Variants in RARG observed in about 807,000 individuals in gnomAD.
RARG encodes RAR-gamma.
In RARG, 17 loss-of-function variants were observed where a neutral mutation model predicts 43.7. The ratio of observed to expected loss-of-function variants is 0.39; its 90% CI spans 0.27 to 0.58. RARG has a LOEUF of 0.58. Among genes scored for constraint, RARG ranks in the 20% least tolerant of loss-of-function variants. The probability of loss-of-function intolerance (pLI) is 0.57; values close to 1 mark genes in which losing one functional copy is unlikely to be tolerated. For missense variants in RARG, 346 were observed against 598.7 expected, an observed-to-expected ratio of 0.58 and a Z score of 4.40; for synonymous variants, 238 against 236.4, an observed-to-expected ratio of 1.01 and a Z score of -0.06.
At chr12:53,226,690 C>T (rs1238305749) in intron 3 of RARG, among the ~76,000 whole-genome samples, 1 of 151,580 alleles carries the variant, frequency 6.6e-6, no homozygotes, top group Non-Finnish European at 1.5e-5. Context: ...TGGCTCACTG[C>T]AACCTCTGCT....
At chr12:53,218,659 T>TA in intron 3 of RARG, among the ~76,000 whole-genome samples, 1 of 151,740 alleles carries the variant, frequency 6.6e-6, no homozygotes, top group East Asian at 2.0e-4. Context: ...TCCCAGTTGT[T>TA]AAATTTGAGC....
chr12:53,226,276 C>T (rs1212167716), intron 3 of RARG, among the ~76,000 whole-genome samples: 3 of 151,828 alleles, frequency 2.0e-5, no homozygotes, highest in African/African-American at 4.8e-5. Context: ...TACATGCATG[C>T]GCCACCACGC....
At chr12:53,216,848 G>A (rs566824473) in intron 3 of RARG, among the ~76,000 whole-genome samples, 3 of 118,552 alleles carry the variant, frequency 2.5e-5, no homozygotes, top group East Asian at 4.1e-4. Context: ...GTGTGCGCGC[G>A]CGCGCGCGCG....
chr12:53,216,839 TGTGCGCGCGCGCGC>T (rs1942777721), intron 3 of RARG, among the ~76,000 whole-genome samples: 2 of 146,726 alleles, frequency 1.4e-5, no homozygotes, highest in East Asian at 4.1e-4. Context: ...TGTGTGTGTG[TGTGCGCGCGCGCGC>T]GCGCGCGCGT....
At chr12:53,220,859 G>A (rs1027871520) in intron 3 of RARG, among the ~76,000 whole-genome samples, 14 of 152,104 alleles carry the variant, frequency 9.2e-5, no homozygotes, top group African/African-American at 3.4e-4. Context: ...AGGTCCCCGC[G>A]CGCAGCTGCT....
At position 53,220,045 on chromosome 12, in the gene RARG, G is replaced by A. The variant is rs899241227; in HGVS notation, c.185-4251C>T. 10 of 1,546,054 alleles carry A rather than the reference G, an allele frequency of 6.5e-6. No homozygotes were observed. In the Admixed American group the frequency reaches 2.0e-4, roughly 31 times the overall value. On this transcript the variant is annotated intron_variant, in intron 3 of 9. Transcript: ENST00000425354. ...GCGCAGCAAGCCGGCCCCGGGCCCG[G>A]CCGCCCCGTACAGCCGTCGCGGACC...
At chr12:53,229,991 G>A in intron 2 of RARG, 1 of 975,094 alleles carries the variant, frequency 1.0e-6, no homozygotes, top group Non-Finnish European at 1.2e-6. Context: ...GGACTTGGGA[G>A]TTGAGTGAAG....
chr12:53,225,460 ACT>A (rs1943084564), intron 3 of RARG, among the ~76,000 whole-genome samples: 1 of 151,408 alleles, frequency 6.6e-6, no homozygotes, highest in Non-Finnish European at 1.5e-5. Flanking sequence ...CGATGAACAC[ACT>A]CTTTCCAGTG....
intron 3 of RARG, among the ~76,000 whole-genome samples, chr12:53,224,238 C>T (rs1194124631): frequency 6.6e-6 from 1 of 151,952 alleles, no homozygotes; most frequent in Non-Finnish European, 1.5e-5. Flanking sequence ...GCCTGTCTCA[C>T]CCCCCTTCAG....
In RARG at chr12:53,213,765, T is replaced by G. The variant is rs1942677789; in HGVS notation, c.814-65A>C. On this transcript the variant is annotated intron_variant, in intron 7 of 9. Coordinates refer to ENST00000425354, the MANE Select transcript of RARG (RefSeq NM_000966.6). The surrounding 1 kb of genome is among the most constrained non-coding windows in gnomAD (Gnocchi z 4.7). ...GGGGATGGGGAAAAGAGGGAATGAGTGGAAAGTGAGGAGGTTAGGTCCCCA... is the reference window on the plus strand; with the variant it reads ...GGGGATGGGGAAAAGAGGGAATGAGGGGAAAGTGAGGAGGTTAGGTCCCCA... 1 of 1,473,918 alleles carries G rather than the reference T, an allele frequency of 6.8e-7. No homozygotes were observed. Among genetic ancestry groups the G allele is most frequent in the Non-Finnish European group, 9.4e-7 (1 of 1,067,518 alleles). The allele number at this position is 1,473,918 out of a possible 1,614,324, so 91.3% of individuals were successfully genotyped here.
intron 1 of RARG, 34 bp downstream of exon 1, chr12:53,231,940 G>A (rs1396125555): frequency 2.3e-5 from 9 of 395,210 alleles, no homozygotes; most frequent in Non-Finnish European, 2.7e-5. Context: ...CCCAGGCGAC[G>A]GGGCGGGCGA....
intron 9 of RARG, among the ~76,000 whole-genome samples, 165 bp downstream of exon 9, chr12:53,212,920 A>G (rs1010528761): frequency 6.6e-6 from 1 of 152,200 alleles, no homozygotes; most frequent in Non-Finnish European, 1.5e-5. Context: ...CTGGTTTAGA[A>G]GCAATTTGCC....
intron 5 of RARG, 27 bp from the exon 6 acceptor site, chr12:53,214,633 G>A (rs764405793): frequency 3.2e-6 from 5 of 1,582,138 alleles, no homozygotes; most frequent in Middle Eastern, 1.7e-4. Flanking sequence ...CAAGGAGAGG[G>A]TCAGGACCCT....
In RARG at chr12:53,227,030, C is replaced by G. The variant is rs1412097672; in HGVS notation, c.184+332G>C. 1.3e-5 allele frequency among the ~76,000 whole-genome samples: 2 copies of G among 152,158 alleles called. No homozygotes were observed. Among genetic ancestry groups the G allele is most frequent in the Non-Finnish European group, 2.9e-5 (2 of 68,022 alleles). ...GCAGCAGATTCACGCTGCACCAGAC[C>G]CACCCCCAGCTGCCCACACAAAGGT... On this transcript the variant is annotated intron_variant, in intron 3 of 9. Transcript: ENST00000425354. The surrounding 1 kb of genome is among the most constrained non-coding windows in gnomAD (Gnocchi z 4.3).
intron 3 of RARG, among the ~76,000 whole-genome samples, chr12:53,220,841 G>C (rs1303605150): frequency 6.6e-6 from 1 of 152,274 alleles, no homozygotes; most frequent in Admixed American, 6.5e-5. Flanking sequence ...GGGGAGAGGG[G>C]AACGTGGAGG....
chr12:53,218,735 C>T (rs573713242), intron 3 of RARG, among the ~76,000 whole-genome samples: 87 of 152,270 alleles, frequency 5.7e-4, no homozygotes, highest in African/African-American at 1.9e-3. Context: ...TGCCAAGGAG[C>T]GAGGCGCGTT....
At chr12:53,220,964 G>T (rs1043745740) in intron 3 of RARG, among the ~76,000 whole-genome samples, 1 of 151,790 alleles carries the variant, frequency 6.6e-6, no homozygotes, top group African/African-American at 2.4e-5. Context: ...GGGCCGAAAA[G>T]TGCATTCCTG....
rs369142328 is a variant in RARG, at chr12:53,221,351, C to A, written c.185-5557G>T. ...ACTTCACTTTTAGAGCACAAAACTA[C>A]CCCATAAGCTGTGCCTGCCGTGCCA... is the stretch of plus-strand genomic sequence containing the variant. On this transcript the variant is annotated intron_variant, in intron 3 of 9. Coordinates refer to ENST00000425354, the MANE Select transcript of RARG (RefSeq NM_000966.6). Among the ~76,000 whole-genome samples, 268 of 152,268 alleles carry A rather than the reference C, an allele frequency of 1.8e-3. 1 individual carries two copies. The highest frequency in any genetic ancestry group is 6.0e-3 in the African/African-American group (250 of 41,564).
intron 2 of RARG, among the ~76,000 whole-genome samples, chr12:53,230,399 G>C (rs183071983): frequency 6.6e-6 from 1 of 151,918 alleles, no homozygotes; most frequent in Non-Finnish European, 1.5e-5. Context: ...TGCTCTTGTC[G>C]GCCACTCTCC....
Sources: gnomAD v4.1 joint callset for allele counts (sites outside exome capture counted in the v4.1 genomes callset) on GRCh38, gnomAD v4.1.1 for gene constraint, Gnocchi (gnomAD v3.1) non-coding constraint, MANE v1.5 for transcripts, NCBI Gene and HGNC (gene_info 2026-07-23, HGNC 2026-07-21) for gene names.